The following PRKG1 variants were observed in gnomAD, a reference collection of about 807,000 sequenced individuals.
PRKG1 encodes the protein protein kinase cGMP-dependent 1, also known as cGMP-dependent protein kinase 1.
Under a neutral mutation model 88.1 loss-of-function variants are expected in PRKG1, and 35 were observed. That is an observed-to-expected ratio of 0.40 (90% CI 0.30 to 0.53). PRKG1 has a LOEUF of 0.53. Among genes scored for constraint, PRKG1 ranks in the 20% least tolerant of loss-of-function variants. The pLI, the probability that PRKG1 is intolerant of heterozygous loss-of-function variation, is 0.59. For missense variants in PRKG1, 540 were observed against 839.8 expected (o/e 0.64, Z 4.41); for synonymous variants, 303 against 292.5 (o/e 1.04, Z -0.37).
chr10:52,186,921 C>A (rs1405814950), intron 9 of PRKG1, among the ~76,000 whole-genome samples: 1 of 152,128 alleles, frequency 6.6e-6, no homozygotes. Context: ...GTGGAAGTCT[C>A]ACAATTTGTA....
rs1241485255 is a variant in PRKG1, at chr10:51,481,258, GTCTT to G, written c.592+13438_592+13441del. On this transcript the variant is annotated intron_variant, in intron 3 of 17. Transcript: ENST00000373980. ...TTTCTTGCTCTCTCTGTCTCTTTCTGTCTTTCTTTCTTTCTTTCTCACTCTGTCA... is the reference window on the plus strand; with the variant it reads ...TTTCTTGCTCTCTCTGTCTCTTTCTGTCTTTCTTTCTTTCTCACTCTGTCA... 3.6e-3 allele frequency among the ~76,000 whole-genome samples: 511 copies of G among 143,314 alleles called. 2 individuals are homozygous for G. Among genetic ancestry groups the G allele is most frequent in the African/African-American group, 0.013 (492 of 37,964 alleles). The allele number at this position is 143,314 out of a possible 152,430, so 94.0% of individuals were successfully genotyped here. A position where few individuals can be genotyped will look rare whatever the true frequency, so the allele number is the denominator to read the frequency against.
At chr10:51,167,788 A>T (rs1702764229) in intron 2 of PRKG1, among the ~76,000 whole-genome samples, 1 of 152,090 alleles carries the variant, frequency 6.6e-6, no homozygotes, top group Admixed American at 6.6e-5. Flanking sequence ...CTGAGATGGA[A>T]AAAAGTGAGA....
At chr10:51,563,760 G>T (rs1214149337) in intron 3 of PRKG1, among the ~76,000 whole-genome samples, 1 of 152,040 alleles carries the variant, frequency 6.6e-6, no homozygotes, top group Non-Finnish European at 1.5e-5. Flanking sequence ...CTTCTCAGAA[G>T]AACCCAAACA....
chr10:51,019,710 A>C (rs1843111411), intron 1 of PRKG1, among the ~76,000 whole-genome samples: 1 of 152,068 alleles, frequency 6.6e-6, no homozygotes, highest in Non-Finnish European at 1.5e-5. Context: ...AAAAAACCCC[A>C]CAGAATGGGA....
chr10:52,033,874 G>C (rs1845533994), intron 5 of PRKG1, among the ~76,000 whole-genome samples: 1 of 151,978 alleles, frequency 6.6e-6, no homozygotes, highest in African/African-American at 2.4e-5. Flanking sequence ...AGGGAGATAG[G>C]GGTGGGGCCG....
intron 4 of PRKG1, among the ~76,000 whole-genome samples, chr10:51,900,627 G>A (rs1841958737): frequency 6.6e-6 from 1 of 152,072 alleles, no homozygotes; most frequent in Non-Finnish European, 1.5e-5. Context: ...GCTTACAGTG[G>A]CAGATAAAAG....
chr10:51,382,537 G>A (rs1837134763), intron 2 of PRKG1, among the ~76,000 whole-genome samples: 1 of 152,142 alleles, frequency 6.6e-6, no homozygotes, highest in Non-Finnish European at 1.5e-5. Flanking sequence ...TCTGTACTCT[G>A]TATTGTAAGA....
rs754565935 is a variant in PRKG1 at position 50,991,675 on chromosome 10, C to G, written c.266+31C>G. ...CGCGGAGGCCGTGGGCCCGGGCGCT[C>G]GTCCCGGCCCGCGGCGCAGAGGCTG... On this transcript the variant is annotated intron_variant, in intron 1 of 17. Coordinates refer to the PRKG1 transcript ENST00000401604. The surrounding 1 kb of genome is among the most constrained non-coding windows in gnomAD (Gnocchi z 4.5). 1.4e-4 allele frequency: 192 copies of G among 1,414,850 alleles called. 1 individual carries two copies. The highest frequency in any genetic ancestry group is 1.6e-4 in the Non-Finnish European group (176 of 1,079,234). The allele number at this position is 1,414,850 out of a possible 1,614,324, so 87.6% of individuals were successfully genotyped here.
chr10:51,103,895 A>C (rs1026349910), intron 1 of PRKG1, among the ~76,000 whole-genome samples: 1 of 152,232 alleles, frequency 6.6e-6, no homozygotes, highest in African/African-American at 2.4e-5. Flanking sequence ...GCTGCTAACA[A>C]TCAGAAAACA....
intron 3 of PRKG1, among the ~76,000 whole-genome samples, chr10:51,545,514 T>C (rs1842424189): frequency 6.6e-6 from 1 of 152,140 alleles, no homozygotes; most frequent in Admixed American, 6.6e-5. Flanking sequence ...TTAATCAGAA[T>C]ATGTAGACAA....
intron 4 of PRKG1, among the ~76,000 whole-genome samples, chr10:51,901,731 A>G (rs1189343757): frequency 1.3e-5 from 2 of 152,194 alleles, no homozygotes; most frequent in Non-Finnish European, 2.9e-5. Flanking sequence ...TGGTGTCACA[A>G]CTTAGCTGGC....
intron 3 of PRKG1, among the ~76,000 whole-genome samples, chr10:51,624,963 TAAG>T (rs1373811405): frequency 6.6e-6 from 1 of 152,148 alleles, no homozygotes; most frequent in Non-Finnish European, 1.5e-5. Context: ...GATAAGAAGA[TAAG>T]AAGAACAAGT....
Position 52,009,361 on chromosome 10 carries a change from C to T in PRKG1, c.763-45123C>T, listed in dbSNP as rs577592910. Among the ~76,000 whole-genome samples, 13 of 152,162 alleles carry T rather than the reference C, an allele frequency of 8.5e-5. No individual in the cohort carries two copies. In the South Asian group the frequency reaches 2.3e-3, roughly 27 times the overall value. ...AAATCAGTGTACAAAAAATTAGTGT[C>T]ATTCCTATGCACCAACAGCATCCAA... On this transcript the variant is annotated intron_variant, in intron 5 of 17. Coordinates refer to ENST00000373980, the MANE Select transcript of PRKG1 (RefSeq NM_006258.4).
chr10:52,020,163 A>G (rs541705418), intron 5 of PRKG1, among the ~76,000 whole-genome samples: 1 of 152,190 alleles, frequency 6.6e-6, no homozygotes, highest in East Asian at 1.9e-4. Context: ...AAATGAGACC[A>G]TACATATAAA....
intron 7 of PRKG1, among the ~76,000 whole-genome samples, chr10:52,102,276 C>T (rs899173904): frequency 6.6e-6 from 1 of 152,008 alleles, no homozygotes; most frequent in African/African-American, 2.4e-5. Flanking sequence ...GGTTTCCTTG[C>T]CCCAAACACA....
intron 1 of PRKG1, among the ~76,000 whole-genome samples, chr10:51,090,954 C>T (rs889255499): frequency 2.0e-5 from 3 of 152,142 alleles, no homozygotes; most frequent in Non-Finnish European, 2.9e-5. Context: ...AGCTATCAGA[C>T]GTAGAACATA....
At chr10:51,507,308 T>A (rs1040046320) in intron 3 of PRKG1, among the ~76,000 whole-genome samples, 16 of 148,596 alleles carry the variant, frequency 1.1e-4, no homozygotes, top group East Asian at 3.9e-4. Context: ...TAAAAAAAAA[T>A]AAAAATAAAA....
intron 4 of PRKG1, among the ~76,000 whole-genome samples, chr10:51,870,922 C>A (rs762163365): frequency 6.6e-6 from 1 of 152,178 alleles, no homozygotes; most frequent in Non-Finnish European, 1.5e-5. Context: ...ACACATCAGC[C>A]TGAGTTACTC....
At chr10:51,314,243 A>G (rs1390214256) in intron 2 of PRKG1, among the ~76,000 whole-genome samples, 1 of 152,210 alleles carries the variant, frequency 6.6e-6, no homozygotes, top group Non-Finnish European at 1.5e-5. Flanking sequence ...CTCAATATTT[A>G]TTAAACTACA....
Sources: gnomAD v4.1 joint callset for allele counts (sites outside exome capture counted in the v4.1 genomes callset) on GRCh38, gnomAD v4.1.1 for gene constraint, Gnocchi (gnomAD v3.1) non-coding constraint, MANE v1.5 for transcripts, NCBI Gene and HGNC (gene_info 2026-07-23, HGNC 2026-07-21) for gene names.